Variants in PTPRN2 observed in about 807,000 individuals in gnomAD.
The protein encoded by PTPRN2 is protein tyrosine phosphatase receptor type N2, also known as receptor-type tyrosine-protein phosphatase N2.
PTPRN2 carries 74 observed loss-of-function variants against 118.8 expected under a neutral mutation model. The ratio of observed to expected loss-of-function variants is 0.62; its 90% CI spans 0.52 to 0.76. The LOEUF (loss-of-function observed/expected upper bound fraction) is 0.76. Ranked by LOEUF, PTPRN2 falls within the 30% of genes least tolerant of loss-of-function variation. The probability of loss-of-function intolerance (pLI) is 0.00; values close to 1 mark genes in which losing one functional copy is unlikely to be tolerated. For synonymous variants in PTPRN2, 641 were observed against 608.0 expected (o/e 1.05, Z -0.80); for missense variants, 1,481 against 1,394.4 (o/e 1.06, Z -0.99).
At chr7:158,324,710 A>T (rs1803342785) in intron 2 of PTPRN2, among the ~76,000 whole-genome samples, 2 of 17,414 alleles carry the variant, frequency 1.1e-4, no homozygotes, top group African/African-American at 2.7e-4. Flanking sequence ...TCTGCTGCCC[A>T]GGGTGCCCCC....
chr7:158,408,997 TA>T (rs398048224), intron 2 of PTPRN2, among the ~76,000 whole-genome samples: 3,600 of 146,098 alleles, frequency 0.025, 109 homozygotes, highest in African/African-American at 0.08. Context: ...TCTCCTTAAT[TA>T]AAAAAAAAAA....
intron 5 of PTPRN2, among the ~76,000 whole-genome samples, chr7:158,175,208 A>G (rs1326502236): frequency 6.6e-6 from 1 of 152,224 alleles, no homozygotes; most frequent in Admixed American, 6.5e-5. Context: ...GCCCGCCGGC[A>G]GCACTGACAG....
chr7:158,117,068 T>C (rs112405523), intron 9 of PTPRN2, among the ~76,000 whole-genome samples: 3 of 69,780 alleles, frequency 4.3e-5, no homozygotes, highest in Non-Finnish European at 6.0e-5. Flanking sequence ...AGGAAAAAGG[T>C]AAGTCAACAA....
chr7:157,770,795 G>A (rs1044261285), intron 12 of PTPRN2, among the ~76,000 whole-genome samples: 1 of 152,204 alleles, frequency 6.6e-6, no homozygotes, highest in Admixed American at 6.5e-5. Flanking sequence ...GTGCTGAAGA[G>A]GGCCACACAT....
intron 3 of PTPRN2, among the ~76,000 whole-genome samples, chr7:158,220,450 A>G (rs908537187): frequency 6.6e-6 from 1 of 152,188 alleles, no homozygotes; most frequent in Admixed American, 6.5e-5. Flanking sequence ...TCTAGAACTA[A>G]TAAATGACTT....
Position 157,881,186 on chromosome 7 carries a change from G to C in PTPRN2, c.1788+17487C>G, listed in dbSNP as rs1001469285. Among the ~76,000 whole-genome samples, 2 of 142,550 alleles carry C rather than the reference G, an allele frequency of 1.4e-5. No homozygotes were observed. The highest frequency in any genetic ancestry group is 3.0e-5 in the Non-Finnish European group (2 of 66,724). The allele number at this position is 142,550 out of a possible 152,430, so 93.5% of individuals were successfully genotyped here. ...TACAGGAATCATTACGGTAAAATGA[G>C]GTCATGAGGGTATGTGGAGATGGGG... On this transcript the variant is annotated intron_variant, in intron 12 of 22. Coordinates refer to ENST00000389418, the MANE Select transcript of PTPRN2 (RefSeq NM_002847.5). This position sits in a 1 kb window ranked among gnomAD's most constrained non-coding sequence, Gnocchi z 4.7.
At chr7:157,712,519 G>T (rs1189560270) in intron 12 of PTPRN2, among the ~76,000 whole-genome samples, 1 of 152,112 alleles carries the variant, frequency 6.6e-6, no homozygotes, top group East Asian at 1.9e-4. Context: ...GGGAGGCTGA[G>T]GCGGGCGGAT....
intron 2 of PTPRN2, among the ~76,000 whole-genome samples, chr7:158,366,075 A>G (rs1809471435): frequency 6.9e-6 from 1 of 144,326 alleles, no homozygotes; most frequent in South Asian, 2.4e-4. Flanking sequence ...ACGCGTGCAC[A>G]CACACACGCA....
chr7:157,732,058 T>C lies in PTPRN2; in HGVS notation c.1789-49121A>G, dbSNP rs370658395. 4.2e-3 allele frequency among the ~76,000 whole-genome samples: 182 copies of C among 43,800 alleles called. 4 individuals are homozygous for C. The highest frequency in any genetic ancestry group is 7.5e-3 in the African/African-American group (78 of 10,426). The allele number at this position is 43,800 out of a possible 152,430, so 28.7% of individuals were successfully genotyped here. Reference sequence around the variant, plus strand: ...CCGCCCCATGGCCCAGCACAGTTACTCTTTTCCACCCCATGCGCCCAGCAC... The same window carrying C: ...CCGCCCCATGGCCCAGCACAGTTACCCTTTTCCACCCCATGCGCCCAGCAC... On this transcript the variant is annotated intron_variant, in intron 12 of 22. Coordinates refer to ENST00000389418, the MANE Select transcript of PTPRN2 (RefSeq NM_002847.5).
intron 13 of PTPRN2, among the ~76,000 whole-genome samples, chr7:157,667,773 C>A (rs17837791): frequency 0.012 from 1,781 of 152,364 alleles, 34 homozygotes; most frequent in African/African-American, 0.041. Context: ...TTGTCAGGAA[C>A]GGTAAACCCA....
At chr7:158,288,446 G>C (rs1303124400) in intron 3 of PTPRN2, among the ~76,000 whole-genome samples, 5 of 151,778 alleles carry the variant, frequency 3.3e-5, no homozygotes, top group Non-Finnish European at 7.4e-5. Flanking sequence ...TCTATCTTTG[G>C]CATATCTACT....
At chr7:157,751,644 A>T (rs1049180944) in intron 12 of PTPRN2, among the ~76,000 whole-genome samples, 3 of 151,834 alleles carry the variant, frequency 2.0e-5, no homozygotes, top group African/African-American at 7.3e-5. Flanking sequence ...CCCTCAAATG[A>T]CTGTTTAATT....
intron 5 of PTPRN2, among the ~76,000 whole-genome samples, chr7:158,176,147 A>C (rs2150637521): frequency 6.6e-6 from 1 of 152,290 alleles, no homozygotes; most frequent in South Asian, 2.1e-4. Flanking sequence ...AGCTGCACCC[A>C]AAAGCCTCCT....
rs181301141 is a variant in PTPRN2, at chr7:158,082,971, A to G, written c.1644-1594T>C. On this transcript the variant is annotated intron_variant, in intron 10 of 22. Coordinates refer to ENST00000389418, the MANE Select transcript of PTPRN2 (RefSeq NM_002847.5). Reference sequence around the variant, plus strand: ...CCACTATGGGCCCTCAGAAAGGAGGAGGCCACTCCCTCCCTGGACTGCAGC... The same window carrying G: ...CCACTATGGGCCCTCAGAAAGGAGGGGGCCACTCCCTCCCTGGACTGCAGC... Among the ~76,000 whole-genome samples, 770 of 152,164 alleles carry G rather than the reference A, an allele frequency of 5.1e-3. 6 individuals carry two copies. Among genetic ancestry groups the G allele is most frequent in the Non-Finnish European group, 9.1e-3 (618 of 67,976 alleles).
In PTPRN2 at chr7:158,187,871, G is replaced by A. The variant is rs530032600; in HGVS notation, c.549+4456C>T. On this transcript the variant is annotated intron_variant, in intron 5 of 22. Coordinates refer to ENST00000389418, the MANE Select transcript of PTPRN2 (RefSeq NM_002847.5). ...AGGACTGTGAGGCCGACCATCGTGT[G>A]TAGGAGATTCCAAGGTGACACAGCC... is the stretch of plus-strand genomic sequence containing the variant. 3.9e-5 allele frequency among the ~76,000 whole-genome samples: 6 copies of A among 152,320 alleles called. No individual in the cohort carries two copies. In the East Asian group the frequency reaches 9.7e-4, roughly 25 times the overall value.
chr7:157,783,432 G>A (rs1027226457), intron 12 of PTPRN2, among the ~76,000 whole-genome samples: 1 of 151,018 alleles, frequency 6.6e-6, no homozygotes, highest in Non-Finnish European at 1.5e-5. Context: ...TCGAACGCAT[G>A]TCTGAGCCTG....
intron 11 of PTPRN2, among the ~76,000 whole-genome samples, chr7:157,901,216 T>C (rs891796064): frequency 5.9e-5 from 9 of 152,140 alleles, no homozygotes; most frequent in African/African-American, 1.9e-4. Context: ...CATGAATCCA[T>C]TCACGAGGGA....
chr7:158,462,066 G>A (rs1440712355), intron 2 of PTPRN2, among the ~76,000 whole-genome samples: 1 of 86,528 alleles, frequency 1.2e-5, no homozygotes, highest in Non-Finnish European at 2.6e-5. Context: ...GACCCCCTGT[G>A]CTTCCGCCCA....
At chr7:157,557,572 A>ACT (rs1554491392) in intron 21 of PTPRN2, among the ~76,000 whole-genome samples, 2,667 of 148,952 alleles carry the variant, frequency 0.018, 88 homozygotes, top group African/African-American at 0.063. Context: ...ACACACACAC[A>ACT]CTCTCCTGGG....
Sources: allele counts gnomAD v4.1 joint callset (sites outside exome capture counted in the v4.1 genomes callset), GRCh38; gene constraint gnomAD v4.1.1; non-coding constraint Gnocchi (gnomAD v3.1); transcripts MANE v1.5; gene names NCBI Gene and HGNC (gene_info 2026-07-23, HGNC 2026-07-21).